Variants in GGTA1 observed in about 807,000 individuals in gnomAD.
GGTA1 encodes glycoprotein alpha-galactosyltransferase 1 (inactive).
In GGTA1, 5 loss-of-function variants were observed where a neutral mutation model predicts 2.6. That is an observed-to-expected ratio of 1.92 (90% CI 1.00 to 4.04). The LOEUF is 4.04. Among genes scored for constraint, GGTA1 ranks in the 30% most tolerant of loss-of-function variants. The pLI, the probability that GGTA1 is intolerant of heterozygous loss-of-function variation, is 0.00. For synonymous variants in GGTA1, 17 were observed against 5.0 expected (o/e 3.38, Z -3.19); for missense variants, 50 against 16.7 (o/e 2.99, Z -3.47).
chr9:121,475,221 A>G (rs1828482906), intron 1 of GGTA1, among the ~76,000 whole-genome samples: 1 of 152,198 alleles, frequency 6.6e-6, no homozygotes, highest in Non-Finnish European at 1.5e-5. Flanking sequence ...GGTCCTCCTC[A>G]CTGCTACACT....
intron 7 of GGTA1, among the ~76,000 whole-genome samples, chr9:121,448,026 A>C (rs2064860057): frequency 6.6e-6 from 1 of 152,296 alleles, no homozygotes; most frequent in East Asian, 1.9e-4. Context: ...TCACATCCAG[A>C]GGCCTGTAGG....
chr9:121,499,128 C>T (rs750694804), intron 1 of GGTA1, among the ~76,000 whole-genome samples: 7 of 151,994 alleles, frequency 4.6e-5, no homozygotes, highest in Non-Finnish European at 1.0e-4. Flanking sequence ...CTCCGAAGCT[C>T]TCTGACATCT....
chr9:121,494,639 T>A (rs561740789), intron 1 of GGTA1: 1 of 152,368 alleles, frequency 6.6e-6, no homozygotes, highest in East Asian at 1.9e-4. Flanking sequence ...GTGTCTGCAC[T>A]AAGTTTGGCA....
chr9:121,498,629 C>A (rs574633083), intron 1 of GGTA1, among the ~76,000 whole-genome samples: 3 of 152,212 alleles, frequency 2.0e-5, no homozygotes, highest in African/African-American at 7.2e-5. Flanking sequence ...CACCCTACAT[C>A]TCCTGCTTCC....
At chr9:121,451,317 C>G (rs2064877050), downstream of GGTA1, among the ~76,000 whole-genome samples, 1 of 152,194 alleles carries the variant, frequency 6.6e-6, no homozygotes, top group South Asian at 2.1e-4. Flanking sequence ...TCCCAAGTAG[C>G]TGAGACTACA....
intron 1 of GGTA1, among the ~76,000 whole-genome samples, chr9:121,481,541 G>A (rs1323207087): frequency 2.0e-5 from 3 of 151,698 alleles, no homozygotes; most frequent in Non-Finnish European, 4.4e-5. Flanking sequence ...AAATTAGCTG[G>A]GTGTGGTGGC....
chr9:121,471,507 A>G (rs530590430), intron 1 of GGTA1, among the ~76,000 whole-genome samples: 2 of 152,352 alleles, frequency 1.3e-5, no homozygotes, highest in Admixed American at 1.3e-4. Flanking sequence ...GATTTCTTAG[A>G]TGATTCCAGA....
At chr9:121,480,096 C>T (rs1169531479) in intron 1 of GGTA1, among the ~76,000 whole-genome samples, 1 of 145,622 alleles carries the variant, frequency 6.9e-6, no homozygotes, top group African/African-American at 2.5e-5. Flanking sequence ...CACTCTGTCG[C>T]CCAGGGCGGA....
At chr9:121,465,085 G>A (rs1458882204) in intron 2 of GGTA1, among the ~76,000 whole-genome samples, 3 of 151,950 alleles carry the variant, frequency 2.0e-5, no homozygotes, top group Non-Finnish European at 4.4e-5. Flanking sequence ...ATCAGAGGAT[G>A]TTGTGGCCAG....
intron 1 of GGTA1, among the ~76,000 whole-genome samples, chr9:121,495,139 C>T (rs1269204880): frequency 3.3e-5 from 5 of 151,740 alleles, no homozygotes; most frequent in African/African-American, 9.7e-5. Context: ...AAGCTGGTCT[C>T]GAACTCCCGA....
Position 121,457,067 on chromosome 9 carries a change from A to G in GGTA1, c.299-1226T>C, listed in dbSNP as rs75122074. On this transcript the variant is annotated intron_variant, in intron 5 of 5. Coordinates refer to ENST00000481799, the MANE Select transcript of GGTA1 (RefSeq NM_001382585.1). ...ATGGCAACATGAACAGGGATGGCAT[A>G]GCGGCTGTCGAGTGGAGAGAAGGGG... 8.4e-3 allele frequency among the ~76,000 whole-genome samples: 1,277 copies of G among 152,338 alleles called. 19 individuals are homozygous for G. Among genetic ancestry groups the G allele is most frequent in the African/African-American group, 0.029 (1,216 of 41,572 alleles).
intron 1 of GGTA1, among the ~76,000 whole-genome samples, chr9:121,469,967 A>G (rs1394984387): frequency 6.6e-6 from 1 of 152,130 alleles, no homozygotes; most frequent in African/African-American, 2.4e-5. Context: ...GGAAACCTCA[A>G]TAAGGGCTCT....
At chr9:121,493,831 A>G (rs1484118451) in intron 1 of GGTA1, among the ~76,000 whole-genome samples, 1 of 139,048 alleles carries the variant, frequency 7.2e-6, no homozygotes, top group Non-Finnish European at 1.5e-5. Flanking sequence ...ATCTTAGCTC[A>G]CTGCAACCTC....
intron 2 of GGTA1, among the ~76,000 whole-genome samples, chr9:121,465,582 T>C (rs1027999829): frequency 1.9e-5 from 2 of 107,764 alleles, no homozygotes; most frequent in African/African-American, 5.7e-5. Context: ...TTAGTGTCCT[T>C]ACAAGAAGAG....
rs997959861 is a variant in GGTA1, at chr9:121,494,001, C to A, written c.-10+5649G>T. On this transcript the variant is annotated intron_variant, in intron 1 of 5. Transcript: ENST00000481799. ...CGAACTCCTGACCTCAGGTGATCTG[C>A]CCGCCTTGGCCTCCCAGCATCCTGG... is the stretch of plus-strand genomic sequence containing the variant. Among the ~76,000 whole-genome samples the A allele has an allele frequency of 3.3e-5, 5 of 152,074 alleles. No individual in the cohort carries two copies. In the East Asian group the frequency reaches 9.6e-4, roughly 29 times the overall value.
intron 1 of GGTA1, among the ~76,000 whole-genome samples, chr9:121,474,954 G>T (rs937105562): frequency 1.3e-5 from 2 of 152,078 alleles, no homozygotes; most frequent in African/African-American, 4.8e-5. Flanking sequence ...ACTGGCACAG[G>T]CCCTGGCTCC....
At position 121,476,268 on chromosome 9, in the gene GGTA1, G is replaced by A. The variant is rs1240420315; in HGVS notation, c.-9-8337C>T. Reference sequence around the variant, plus strand: ...ATGCCCTGCTCTATCCCAGGAACACGGCTCTGACCAGACCAGCTGCACCTC... The same window carrying A: ...ATGCCCTGCTCTATCCCAGGAACACAGCTCTGACCAGACCAGCTGCACCTC... On this transcript the variant is annotated intron_variant, in intron 1 of 5. Transcript: ENST00000481799. The surrounding 1 kb of genome is among the most constrained non-coding windows in gnomAD (Gnocchi z 4.6). 6.6e-6 allele frequency among the ~76,000 whole-genome samples: 1 copy of A among 152,060 alleles called. No homozygotes were observed. The highest frequency in any genetic ancestry group is 2.4e-5 in the African/African-American group (1 of 41,400).
chr9:121,451,972 C>T (rs2064880331), downstream of GGTA1: 1 of 152,162 alleles, frequency 6.6e-6, no homozygotes, highest in Admixed American at 6.5e-5. Flanking sequence ...ATTTTGTTCT[C>T]AGCATTTTAG....
exon 8 of GGTA1, chr9:121,445,367 A>G (rs1303176769): frequency 6.6e-6 from 1 of 152,198 alleles, no homozygotes; most frequent in Admixed American, 6.5e-5. Context: ...ATTTTCTGGC[A>G]AAAAATGAAG....
Sources: gnomAD v4.1 joint callset for allele counts (sites outside exome capture counted in the v4.1 genomes callset) on GRCh38, gnomAD v4.1.1 for gene constraint, Gnocchi (gnomAD v3.1) non-coding constraint, MANE v1.5 for transcripts, NCBI Gene and HGNC (gene_info 2026-07-23, HGNC 2026-07-21) for gene names.